Variants in LAMA4 observed in about 807,000 individuals in gnomAD.
LAMA4 encodes laminin subunit alpha-4.
In LAMA4, 127 loss-of-function variants were observed where a neutral mutation model predicts 207.1. The ratio of observed to expected loss-of-function variants is 0.61; its 90% CI spans 0.53 to 0.71. LAMA4 has a LOEUF of 0.71. LAMA4 is among the 30% of genes least tolerant of loss of function. The pLI, the probability that LAMA4 is intolerant of heterozygous loss-of-function variation, is 0.00. For synonymous variants in LAMA4, 761 were observed against 816.0 expected (o/e 0.93, Z 1.15); for missense variants, 2,093 against 2,246.5 (o/e 0.93, Z 1.38).
At chr6:112,219,763 C>T (rs1222053981) in intron 2 of LAMA4, among the ~76,000 whole-genome samples, 2 of 152,150 alleles carry the variant, frequency 1.3e-5, no homozygotes, top group African/African-American at 4.8e-5. Flanking sequence ...TTATGTTGCA[C>T]AATTCTCTCA....
chr6:112,139,128 C>T lies in LAMA4; in HGVS notation c.3274G>A (p.Val1092Ile), dbSNP rs782566930. 6.2e-7 allele frequency: 1 copy of T among 1,613,948 alleles called. No individual in the cohort carries two copies. Among genetic ancestry groups the T allele is most frequent in the Admixed American group, 1.7e-5 (1 of 60,012 alleles). Residue 1092 changes from valine (V) to isoleucine (I), a missense_variant, in exon 24 of 39, where the codon GTC becomes ATC. By Grantham distance (29) the Val-to-Ile change is conservative (BLOSUM62 3). Coordinates refer to ENST00000230538, the MANE Select transcript of LAMA4 (RefSeq NM_001105206.3). ...CTTGTATTTTTACTCACTCCATTGA[C>T]CATCAGGAGAATAAGGCCGTTGTCA... Reference protein sequence around the residue: ...PADNGLILLMVNGSMFFRLEM... With the variant: ...PADNGLILLMINGSMFFRLEM...
intron 18 of LAMA4, among the ~76,000 whole-genome samples, chr6:112,147,248 A>G (rs1489277670): frequency 1.3e-5 from 2 of 152,212 alleles, no homozygotes; most frequent in African/African-American, 4.8e-5. Context: ...CAAATCTTTT[A>G]AAGACAAAAT....
intron 24 of LAMA4, among the ~76,000 whole-genome samples, chr6:112,137,824 A>C (rs1554332006): frequency 6.6e-6 from 1 of 152,208 alleles, no homozygotes; most frequent in Non-Finnish European, 1.5e-5. Context: ...AATTATTCTA[A>C]ATTTGTTGAA....
chr6:112,136,510 G>A (rs1395508458), intron 24 of LAMA4, among the ~76,000 whole-genome samples: 2 of 152,012 alleles, frequency 1.3e-5, no homozygotes, highest in African/African-American at 2.4e-5. Flanking sequence ...TGGCCAACAT[G>A]GCAAAACCTT....
At chr6:112,185,446 T>G (rs1373923812) in intron 8 of LAMA4, 99 bp from the exon 9 acceptor site, 1 of 768,596 alleles carries the variant, frequency 1.3e-6, no homozygotes, top group Non-Finnish European at 2.3e-6. Flanking sequence ...GAGTAGAGTG[T>G]GAGGCTCTTT....
intron 7 of LAMA4, 29 bp from the exon 8 acceptor site, chr6:112,187,630 C>A: frequency 1.2e-6 from 2 of 1,610,710 alleles, no homozygotes; most frequent in Non-Finnish European, 1.7e-6. Context: ...TTCAGAATCA[C>A]AAGTCAAAAG....
Position 112,139,196 on chromosome 6 carries a change from A to G in LAMA4, c.3206T>C (p.Phe1069Ser). 1 of 1,614,164 alleles carries G rather than the reference A, an allele frequency of 6.2e-7. No individual in the cohort carries two copies. Among genetic ancestry groups the G allele is most frequent in the Non-Finnish European group, 8.5e-7 (1 of 1,180,020 alleles). ...VVRDITRRGK[F>S]GQVTRFDIEV... ...TATGTCAAAGCGAGTCACCTGACCA[A>G]ATTTCCCTCTCCTTGTGATGTCTCT... is the stretch of plus-strand genomic sequence containing the variant. Residue 1069 changes from phenylalanine (F) to serine (S), a missense_variant, in exon 24 of 39, where the codon TTT (phenylalanine) becomes TCT (serine). Phe to Ser is a radical substitution (Grantham distance 155). This residue lies in a region of LAMA4 where 1,704 missense variants were observed against 1,788.4 expected (regional missense o/e 0.95). Transcript: ENST00000230538.
At chr6:112,237,769 C>G (rs1278313228) in intron 2 of LAMA4, among the ~76,000 whole-genome samples, 4 of 152,182 alleles carry the variant, frequency 2.6e-5, no homozygotes, top group Non-Finnish European at 5.9e-5. Context: ...GGCGATGATC[C>G]CAGCATCTGT....
At chr6:112,216,313 C>T (rs1437629834) in intron 3 of LAMA4, 55 bp downstream of exon 3, 1 of 1,155,792 alleles carries the variant, frequency 8.7e-7, no homozygotes, top group Non-Finnish European at 1.3e-6. Flanking sequence ...TTATCTTCAC[C>T]CAAGATGCAA....
At chr6:112,110,090 A>C (rs1260097421) in intron 38 of LAMA4, among the ~76,000 whole-genome samples, 1 of 152,232 alleles carries the variant, frequency 6.6e-6, no homozygotes, top group Non-Finnish European at 1.5e-5. Flanking sequence ...CGAATAAACT[A>C]AGATTCAATT....
chr6:112,195,920 C>T (rs1783387677), intron 5 of LAMA4, among the ~76,000 whole-genome samples: 1 of 150,668 alleles, frequency 6.6e-6, no homozygotes, highest in African/African-American at 2.5e-5. Context: ...GGTTCCTCAT[C>T]TTTTTAAATG....
intron 12 of LAMA4, among the ~76,000 whole-genome samples, chr6:112,168,520 A>T (rs1292490740): frequency 6.6e-6 from 1 of 151,566 alleles, no homozygotes; most frequent in Non-Finnish European, 1.5e-5. Flanking sequence ...TAATTTTTGT[A>T]TTTTTAGTAG....
chr6:112,191,188 G>C (rs943004893), intron 6 of LAMA4, among the ~76,000 whole-genome samples: 29 of 151,842 alleles, frequency 1.9e-4, no homozygotes, highest in African/African-American at 6.3e-4. Flanking sequence ...TGCCATGTTT[G>C]CCAGGCTGGT....
chr6:112,203,892 T>C (rs1239520003), intron 4 of LAMA4, among the ~76,000 whole-genome samples: 1 of 152,208 alleles, frequency 6.6e-6, no homozygotes, highest in Non-Finnish European at 1.5e-5. Flanking sequence ...GCACATTCTC[T>C]AAGTCCCTTC....
chr6:112,130,125 A>G, intron 29 of LAMA4, 85 bp from the exon 30 acceptor site: 2 of 1,145,628 alleles, frequency 1.7e-6, no homozygotes, highest in African/African-American at 1.5e-5. Context: ...AGGTTTTCTC[A>G]TGAAATTGAA....
chr6:112,123,613 G>A (rs868911573), intron 31 of LAMA4, among the ~76,000 whole-genome samples: 2 of 152,174 alleles, frequency 1.3e-5, no homozygotes, highest in Non-Finnish European at 2.9e-5. Context: ...TCAAAATCTA[G>A]ATCTGATTTT....
chr6:112,152,886 T>C (rs1278083021), intron 16 of LAMA4, among the ~76,000 whole-genome samples: 3 of 152,088 alleles, frequency 2.0e-5, no homozygotes, highest in Admixed American at 1.3e-4. Flanking sequence ...TTAGCTCTTA[T>C]TTTGGGTCTC....
intron 38 of LAMA4, among the ~76,000 whole-genome samples, chr6:112,110,159 G>T (rs1777614681): frequency 1.3e-5 from 2 of 152,160 alleles, no homozygotes; most frequent in African/African-American, 4.8e-5. Flanking sequence ...CTTAGTCTTT[G>T]TGTGGGCACA....
intron 2 of LAMA4, chr6:112,218,305 T>TA (rs1554359356): frequency 1.3e-5 from 2 of 150,024 alleles, no homozygotes; most frequent in Non-Finnish European, 3.0e-5. Context: ...GATCTGCATT[T>TA]TAAAAAATAA....
Sources: gnomAD v4.1 joint callset for allele counts (sites outside exome capture counted in the v4.1 genomes callset) on GRCh38, gnomAD v4.1.1 for gene constraint, gnomAD v4.1.1 regional missense constraint, MANE v1.5 for transcripts, NCBI Gene and HGNC (gene_info 2026-07-23, HGNC 2026-07-21) for gene names.